The following ZNF680 variants were observed in gnomAD, a reference collection of about 807,000 sequenced individuals.
ZNF680 encodes the protein zinc finger protein 680.
Under a neutral mutation model 12.1 loss-of-function variants are expected in ZNF680, and 6 were observed. The observed-to-expected ratio is 0.49, with a 90% CI of 0.27 to 0.98. The LOEUF (loss-of-function observed/expected upper bound fraction) is 0.98, where lower values mean the gene tolerates loss of function less well. ZNF680 is among the 50% of genes least tolerant of loss of function. ZNF680 has a pLI of 0.12. For synonymous variants in ZNF680, 170 were observed against 199.3 expected (o/e 0.85, Z 1.24); for missense variants, 561 against 616.3 (o/e 0.91, Z 0.95).
the ZNF680 span, among the ~76,000 whole-genome samples, chr7:64,503,914 A>T: frequency 3.9e-5 from 6 of 152,166 alleles, no homozygotes; most frequent in African/African-American, 1.2e-4. Context: ...AAAACACACT[A>T]AAAAAATCAT....
downstream of ZNF680, among the ~76,000 whole-genome samples, chr7:64,517,575 G>T (rs1280740984): frequency 1.3e-5 from 2 of 151,830 alleles, no homozygotes; most frequent in Non-Finnish European, 2.9e-5. Flanking sequence ...CGGTAAGAGG[G>T]AACCTCCATA....
At chr7:64,541,567 G>C (rs1786500542) in intron 3 of ZNF680, among the ~76,000 whole-genome samples, 1 of 152,170 alleles carries the variant, frequency 6.6e-6, no homozygotes, top group African/African-American at 2.4e-5. Context: ...AGAGCTTTGA[G>C]ATCCAGAGAG....
chr7:64,558,513 C>T (rs1288537249), intron 1 of ZNF680, among the ~76,000 whole-genome samples: 1 of 152,124 alleles, frequency 6.6e-6, no homozygotes, highest in African/African-American at 2.4e-5. Context: ...ATGTCTCAGG[C>T]TGCTCACCCC....
At chr7:64,548,952 C>A (rs1355686365) in intron 1 of ZNF680, among the ~76,000 whole-genome samples, 1 of 151,950 alleles carries the variant, frequency 6.6e-6, no homozygotes, top group Non-Finnish European at 1.5e-5. Flanking sequence ...GAAACCCCGT[C>A]TCTACTAAAA....
At chr7:64,514,643 C>A in the ZNF680 span, among the ~76,000 whole-genome samples, 1 of 152,014 alleles carries the variant, frequency 6.6e-6, no homozygotes, top group Non-Finnish European at 1.5e-5. Context: ...TAATAAAACT[C>A]ATAATAAAAA....
intron 1 of ZNF680, among the ~76,000 whole-genome samples, chr7:64,559,520 A>G (rs1220827715): frequency 1.3e-5 from 2 of 151,658 alleles, no homozygotes; most frequent in Non-Finnish European, 2.9e-5. Context: ...TCGCCCTGTC[A>G]CCCAGGCTGG....
downstream of ZNF680, among the ~76,000 whole-genome samples, chr7:64,517,980 CTG>C (rs1791388400): frequency 6.6e-6 from 1 of 152,044 alleles, no homozygotes; most frequent in African/African-American, 2.4e-5. Flanking sequence ...CTACATAACA[CTG>C]AACAGGGTAA....
intron 3 of ZNF680, chr7:64,524,858 CAGTA>C: frequency 6.7e-6 from 1 of 150,092 alleles, no homozygotes; most frequent in East Asian, 1.9e-4. Context: ...GAGTATAGAA[CAGTA>C]AGAAGAAAAA....
At chr7:64,511,085 C>T in the ZNF680 span, among the ~76,000 whole-genome samples, 152 of 151,488 alleles carry the variant, frequency 1.0e-3, no homozygotes, top group African/African-American at 3.4e-3. Context: ...GCCTGGTCAA[C>T]GCAGTGAAAC....
the ZNF680 span, chr7:64,500,947 C>A: frequency 1.5e-6 from 1 of 646,208 alleles, no homozygotes. Context: ...CGATGTGCAG[C>A]AAAATTGTGG....
chr7:64,505,717 T>A, the ZNF680 span, among the ~76,000 whole-genome samples: 1 of 152,200 alleles, frequency 6.6e-6, no homozygotes, highest in South Asian at 2.1e-4. Flanking sequence ...CCTCTGTTTA[T>A]CTTAGGCTAT....
At chr7:64,530,773 G>A (rs886634115) in intron 3 of ZNF680, among the ~76,000 whole-genome samples, 3 of 151,720 alleles carry the variant, frequency 2.0e-5, no homozygotes, top group African/African-American at 7.3e-5. Flanking sequence ...GAGGAGAACT[G>A]CTTGAACCCA....
chr7:64,529,509 A>C (rs1303305452), intron 3 of ZNF680, among the ~76,000 whole-genome samples: 1 of 152,174 alleles, frequency 6.6e-6, no homozygotes, highest in Non-Finnish European at 1.5e-5. Context: ...CTTACAGTAA[A>C]GTCTCAGCAA....
rs192178900 is a variant in ZNF680 at position 64,531,167 on chromosome 7, G to A, written c.254-8667C>T. ...ATACAAAACATTCCATCCAACAACC[G>A]CAGAATACACATTCTACTCAACAGC... On this transcript the variant is annotated intron_variant, in intron 3 of 3. Coordinates refer to ENST00000309683, the MANE Select transcript of ZNF680 (RefSeq NM_178558.5). 4.3e-4 allele frequency among the ~76,000 whole-genome samples: 66 copies of A among 152,156 alleles called. 1 individual carries two copies. Among genetic ancestry groups the A allele is most frequent in the Admixed American group, 2.4e-3 (36 of 15,278 alleles).
chr7:64,514,279 A>G, the ZNF680 span, among the ~76,000 whole-genome samples: 1 of 152,220 alleles, frequency 6.6e-6, no homozygotes, highest in Non-Finnish European at 1.5e-5. Context: ...TATCATTAAC[A>G]TATGTTCCAA....
Position 64,563,041 on chromosome 7 carries a change from T to G in ZNF680, c.-87A>C. The G allele has an allele frequency of 6.6e-7, 1 of 1,506,386 alleles. No homozygotes were observed. The highest frequency in any genetic ancestry group is 9.2e-7 in the Non-Finnish European group (1 of 1,088,238). 93.3% of individuals were successfully genotyped at this position (1,506,386 alleles called of 1,614,324 possible). On this transcript the variant is annotated 5_prime_UTR_variant, in exon 1 of 4. Coordinates refer to ENST00000309683, the MANE Select transcript of ZNF680 (RefSeq NM_178558.5). ...GCAGAATACACAGAGCAGTAAAGAC[T>G]AGACCTGGAGCTCCCGCAGCAGCTA... is the stretch of plus-strand genomic sequence containing the variant.
chr7:64,513,732 G>A, the ZNF680 span, among the ~76,000 whole-genome samples: 1 of 151,908 alleles, frequency 6.6e-6, no homozygotes, highest in Non-Finnish European at 1.5e-5. Context: ...TGCAACCTCT[G>A]CCTCCTGGGT....
the ZNF680 span, among the ~76,000 whole-genome samples, chr7:64,503,411 T>C: frequency 7.1e-6 from 1 of 140,194 alleles, no homozygotes; most frequent in Non-Finnish European, 1.5e-5. Context: ...TTGAGGAGTT[T>C]CACCTGTCAT....
chr7:64,502,138 G>C, the ZNF680 span, among the ~76,000 whole-genome samples: 2 of 151,080 alleles, frequency 1.3e-5, no homozygotes, highest in Non-Finnish European at 1.5e-5. Flanking sequence ...GGAGTAGCTA[G>C]GATTGCAGGC....
Sources: allele counts gnomAD v4.1 joint callset (sites outside exome capture counted in the v4.1 genomes callset), GRCh38; gene constraint gnomAD v4.1.1; transcripts MANE v1.5; gene names NCBI Gene and HGNC (gene_info 2026-07-23, HGNC 2026-07-21).